COL1A2: variants seen among roughly 807,000 people sequenced by gnomAD.
COL1A2 encodes collagen type I alpha 2 chain.
Under a neutral mutation model 174.3 loss-of-function variants are expected in COL1A2, and 49 were observed. The ratio of observed to expected loss-of-function variants is 0.28; its 90% CI spans 0.22 to 0.36. The LOEUF (loss-of-function observed/expected upper bound fraction) is 0.36. Ranked by LOEUF, COL1A2 falls within the 10% of genes least tolerant of loss-of-function variation. The pLI, the probability that COL1A2 is intolerant of heterozygous loss-of-function variation, is 1.00. For missense variants in COL1A2, 1,438 were observed against 1,822.7 expected (o/e 0.79, Z 3.84); for synonymous variants, 655 against 606.6 (o/e 1.08, Z -1.17).
At chr7:94,428,508 G>C in intron 50 of COL1A2, 31 bp downstream of exon 50, 5 of 1,585,216 alleles carry the variant, frequency 3.2e-6, no homozygotes, top group Non-Finnish European at 4.3e-6. Context: ...CTCTCCTTCT[G>C]CTAAATAATA....
Position 94,412,888 on chromosome 7 carries a change from T to C in COL1A2, c.1504-195T>C, listed in dbSNP as rs967123576. 7.9e-5 allele frequency among the ~76,000 whole-genome samples: 12 copies of C among 152,270 alleles called. 1 individual carries two copies. The highest frequency in any genetic ancestry group is 2.9e-4 in the African/African-American group (12 of 41,548). ...AAATCCATCTCCTGAGCCCCATGCT[T>C]CCACAGACACAGGGACATCTTACTG... On this transcript the variant is annotated intron_variant, in intron 25 of 51. Coordinates refer to ENST00000297268, the MANE Select transcript of COL1A2 (RefSeq NM_000089.4).
Position 94,408,397 on chromosome 7 carries a change from G to C in COL1A2, c.738+17G>C, listed in dbSNP as rs981146574. ...GGTCCTGCTGTAAGTTTTGACACTGGGGAGTTTGAAAGGAGTTGAGAATGT... is the reference window on the plus strand; with the variant it reads ...GGTCCTGCTGTAAGTTTTGACACTGCGGAGTTTGAAAGGAGTTGAGAATGT... On this transcript the variant is annotated intron_variant, in intron 15 of 51. Transcript: ENST00000297268. The C allele has an allele frequency of 1.9e-6, 3 of 1,614,016 alleles. No homozygotes were observed. The highest frequency in any genetic ancestry group is 2.5e-6 in the Non-Finnish European group (3 of 1,179,916).
At chr7:94,399,973 C>A in intron 4 of COL1A2, 2 of 658,268 alleles carry the variant, frequency 3.0e-6, no homozygotes, top group Non-Finnish European at 5.5e-6. Context: ...ATTCAATGGC[C>A]GAGATAGTTC....
intron 5 of COL1A2, 141 bp downstream of exon 5, chr7:94,400,429 C>A: frequency 1.2e-6 from 1 of 818,438 alleles, no homozygotes; most frequent in Non-Finnish European, 2.0e-6. Flanking sequence ...GGTTTTTTCA[C>A]TCAAGATTCT....
Position 94,413,887 on chromosome 7 carries a change from C to T in COL1A2, c.1612-7C>T. The T allele has an allele frequency of 1.9e-6, 3 of 1,614,050 alleles. No individual in the cohort carries two copies. The highest frequency in any genetic ancestry group is 2.5e-6 in the Non-Finnish European group (3 of 1,179,918). ...GCTATTTATGCTCTCTTTCCTGTCA[C>T]TTTCAGGGTGTTCAAGGTGGAAAAG... On this transcript the variant is annotated splice_region_variant and splice_polypyrimidine_tract_variant and intron_variant, in intron 27 of 51. Transcript: ENST00000297268.
rs746767563 is a variant in COL1A2 at position 94,408,323 on chromosome 7, A to G, written c.694-13A>G. 1 of 1,613,264 alleles carries G rather than the reference A, an allele frequency of 6.2e-7. No individual in the cohort carries two copies. The highest frequency in any genetic ancestry group is 1.1e-5 in the South Asian group (1 of 91,038). ...TAAGTTTCCACCTGATCTTCCCTTT[A>G]TTTTCTTCTTAGGGTGCCCGTGGCA... is the stretch of plus-strand genomic sequence containing the variant. On this transcript the variant is annotated splice_polypyrimidine_tract_variant and intron_variant, in intron 14 of 51. Coordinates refer to ENST00000297268, the MANE Select transcript of COL1A2 (RefSeq NM_000089.4).
chr7:94,407,922 A>T lies in COL1A2; in HGVS notation c.639+31A>T, dbSNP rs760720411. 20 of 1,586,572 alleles carry T rather than the reference A, an allele frequency of 1.3e-5. No homozygotes were observed. In the Admixed American group the frequency reaches 3.2e-4, roughly 25 times the overall value. On this transcript the variant is annotated intron_variant, in intron 13 of 51. Coordinates refer to ENST00000297268, the MANE Select transcript of COL1A2 (RefSeq NM_000089.4). Reference sequence around the variant, plus strand: ...TATTGACTACTTCATTGTAAATTTAAATGTGTACACTCTTTATGAGATGGA... The same window carrying T: ...TATTGACTACTTCATTGTAAATTTATATGTGTACACTCTTTATGAGATGGA...
chr7:94,408,084 G>A lies in COL1A2; in HGVS notation c.640-99G>A, dbSNP rs570837518. Reference sequence around the variant, plus strand: ...AGAAGGCAACTTATTTATTTTTAGTGTATTCTTGTACAGGTTGGAAACTGA... The same window carrying A: ...AGAAGGCAACTTATTTATTTTTAGTATATTCTTGTACAGGTTGGAAACTGA... On this transcript the variant is annotated intron_variant, in intron 13 of 51. Coordinates refer to ENST00000297268, the MANE Select transcript of COL1A2 (RefSeq NM_000089.4). 32 of 1,334,040 alleles carry A rather than the reference G, an allele frequency of 2.4e-5. No individual in the cohort carries two copies. The South Asian group carries it at 3.6e-4, about 15-fold the overall frequency. The allele number at this position is 1,334,040 out of a possible 1,614,324, so 82.6% of individuals were successfully genotyped here. A position where few individuals can be genotyped will look rare whatever the true frequency, so the allele number is the denominator to read the frequency against.
intron 28 of COL1A2, 76 bp from the exon 29 acceptor site, chr7:94,414,146 A>C (rs1791989048): frequency 2.7e-6 from 4 of 1,501,904 alleles, no homozygotes; most frequent in Admixed American, 3.4e-5. Flanking sequence ...GGTAGCCACC[A>C]CCCCCAAACT....
rs663 is a variant in COL1A2 at position 94,429,328 on chromosome 7, C to A, written c.3852C>A (p.Gly1284=). The change falls in exon 51 of 52, where the codon GGC becomes GGA. Residue 1284 remains glycine, a synonymous_variant. Transcript: ENST00000297268. ...TTGCATACATGGATGAGGAGACTGG[C>A]AACCTGAAAAAGGCTGTCATTCTAC... The part of the protein sequence containing the change: ...NSIAYMDEET[G]NLKKAVILQG... The A allele has an allele frequency of 1.4e-5, 22 of 1,614,058 alleles. No individual in the cohort carries two copies. The African/African-American group carries it at 1.5e-4, about 11-fold the overall frequency.
intron 4 of COL1A2, among the ~76,000 whole-genome samples, chr7:94,399,594 T>C (rs912187502): frequency 5.3e-5 from 8 of 152,236 alleles, no homozygotes; most frequent in African/African-American, 1.9e-4. Context: ...TTGCATTGTA[T>C]AACACTTTTG....
rs897872619 is a variant in COL1A2, at chr7:94,429,100, T to C, written c.3712-88T>C. Reference sequence around the variant, plus strand: ...TCTGAGTCTACTCTTCCTGAGATCTTTTTTTTTCTTTTTTTTTTTTTTCAT... The same window carrying C: ...TCTGAGTCTACTCTTCCTGAGATCTCTTTTTTTCTTTTTTTTTTTTTTCAT... On this transcript the variant is annotated intron_variant, in intron 50 of 51. Transcript: ENST00000297268. 43 of 1,001,090 alleles carry C rather than the reference T, an allele frequency of 4.3e-5. 1 individual carries two copies. The highest frequency in any genetic ancestry group is 1.5e-4 in the Admixed American group (6 of 40,336). 62.0% of individuals were successfully genotyped at this position (1,001,090 alleles called of 1,614,324 possible). A position where few individuals can be genotyped will look rare whatever the true frequency, so the allele number is the denominator to read the frequency against.
At chr7:94,406,103 T>C in intron 11 of COL1A2, 147 bp from the exon 12 acceptor site, 2 of 802,312 alleles carry the variant, frequency 2.5e-6, no homozygotes. Flanking sequence ...TAGACTGAGT[T>C]TGCTGGGACC....
In COL1A2 at chr7:94,404,563, T is replaced by G; in HGVS notation, c.287T>G (p.Met96Arg). ...TATCTGCTTTCTTTACAGGGCTTAATGGGACCTAGAGGCCCACCTGGTGCA... is the reference window on the plus strand; with the variant it reads ...TATCTGCTTTCTTTACAGGGCTTAAGGGGACCTAGAGGCCCACCTGGTGCA... ...VGLGPGPMGL[M>R]GPRGPPGAAG... Residue 96 changes from methionine (M) to arginine (R), a missense_variant, in exon 7 of 52, where the codon ATG becomes AGG. Physicochemically the swap from Met to Arg is moderately conservative, Grantham distance 91. Transcript: ENST00000297268. 2 of 1,613,404 alleles carry G rather than the reference T, an allele frequency of 1.2e-6. No individual in the cohort carries two copies. The highest frequency in any genetic ancestry group is 8.5e-7 in the Non-Finnish European group (1 of 1,179,960).
chr7:94,428,945 A>G (rs1204842741), intron 50 of COL1A2, among the ~76,000 whole-genome samples: 1 of 152,214 alleles, frequency 6.6e-6, no homozygotes, highest in Non-Finnish European at 1.5e-5. Context: ...AAAAAGGATT[A>G]ATTGAAACAG....
In COL1A2 at chr7:94,406,236, G is replaced by A. The variant is rs1187971869; in HGVS notation, c.541-14G>A. On this transcript the variant is annotated splice_polypyrimidine_tract_variant and intron_variant, in intron 11 of 51. Coordinates refer to ENST00000297268, the MANE Select transcript of COL1A2 (RefSeq NM_000089.4). ...ATCATGGAACAGCATTTTATAATAAGGCTTTCCTTTCAGGGACACAATGGT... is the reference window on the plus strand; with the variant it reads ...ATCATGGAACAGCATTTTATAATAAAGCTTTCCTTTCAGGGACACAATGGT... 1.2e-6 allele frequency: 2 copies of A among 1,613,234 alleles called. No homozygotes were observed. Among genetic ancestry groups the A allele is most frequent in the African/African-American group, 1.3e-5 (1 of 74,850 alleles).
At chr7:94,420,187 A>G in intron 34 of COL1A2, 46 bp from the exon 35 acceptor site, 1 of 1,611,754 alleles carries the variant, frequency 6.2e-7, no homozygotes, top group East Asian at 2.2e-5. Flanking sequence ...TTCTTTGAGC[A>G]TCTATGTCAG....
chr7:94,416,424 G>A lies in COL1A2; in HGVS notation c.1784G>A (p.Gly595Asp). The change falls in exon 31 of 52, where the codon GGT (glycine) becomes GAT (aspartate). Residue 595 changes from glycine (G) to aspartate (D), a missense_variant. This residue lies in a region of COL1A2 where 867 missense variants were observed against 1,213.7 expected (regional missense o/e 0.71). Coordinates refer to ENST00000297268, the MANE Select transcript of COL1A2 (RefSeq NM_000089.4). Reference sequence around the variant, plus strand: ...TTTCAGGGGGAACGCGGTCCCCCAGGTGAGAGTGGTGCTGCCGGTCCTACT... The same window carrying A: ...TTTCAGGGGGAACGCGGTCCCCCAGATGAGAGTGGTGCTGCCGGTCCTACT... ...AGPRGERGPP[G>D]ESGAAGPTGP... The A allele has an allele frequency of 6.3e-7, 1 of 1,581,790 alleles. No homozygotes were observed. The highest frequency in any genetic ancestry group is 1.2e-5 in the South Asian group (1 of 86,010).
At chr7:94,411,031 C>A in intron 22 of COL1A2, 25 bp from the exon 23 acceptor site, 1 of 1,509,500 alleles carries the variant, frequency 6.6e-7, no homozygotes, top group Non-Finnish European at 9.1e-7. Flanking sequence ...CCTCCTCTAT[C>A]TGTTTTTTTT....
Sources: gnomAD v4.1 joint callset for allele counts (sites outside exome capture counted in the v4.1 genomes callset) on GRCh38, gnomAD v4.1.1 for gene constraint, gnomAD v4.1.1 regional missense constraint, MANE v1.5 for transcripts, NCBI Gene and HGNC (gene_info 2026-07-23, HGNC 2026-07-21) for gene names.